Variants in PTPRD observed in about 807,000 individuals in gnomAD.
The protein encoded by PTPRD is receptor-type tyrosine-protein phosphatase delta.
Under a neutral mutation model 214.5 loss-of-function variants are expected in PTPRD, and 34 were observed. That is an observed-to-expected ratio of 0.16 (90% CI 0.12 to 0.21). The LOEUF (loss-of-function observed/expected upper bound fraction) is 0.21, where lower values mean the gene tolerates loss of function less well. PTPRD is among the 10% of genes least tolerant of loss of function. The pLI is 1.00. For synonymous variants in PTPRD, 1,128 were observed against 845.7 expected (o/e 1.33, Z -5.79); for missense variants, 2,545 against 2,398.7 (o/e 1.06, Z -1.27).
At chr9:8,825,975 T>C (rs1566397035) in intron 11 of PTPRD, among the ~76,000 whole-genome samples, 1 of 152,206 alleles carries the variant, frequency 6.6e-6, no homozygotes, top group African/African-American at 2.4e-5. Context: ...TATTTTGTAC[T>C]GACCTTTTAT....
intron 4 of PTPRD, among the ~76,000 whole-genome samples, chr9:9,967,485 T>C (rs1005988449): frequency 1.3e-5 from 2 of 152,164 alleles, no homozygotes; most frequent in East Asian, 1.9e-4. Context: ...AAAACATTTA[T>C]TGAGAAACAA....
chr9:9,492,094 A>G (rs2095931714), intron 8 of PTPRD, among the ~76,000 whole-genome samples: 1 of 151,982 alleles, frequency 6.6e-6, no homozygotes, highest in African/African-American at 2.4e-5. Flanking sequence ...AAAAAGGATT[A>G]TAAGAGAATA....
intron 2 of PTPRD, among the ~76,000 whole-genome samples, chr9:10,514,346 TTTGA>T (rs953417456): frequency 1.2e-4 from 18 of 151,818 alleles, no homozygotes; most frequent in South Asian, 4.1e-4. Flanking sequence ...CATTTAGAAC[TTTGA>T]TTGATAAAAT....
chr9:9,321,465 G>A (rs895892852), intron 9 of PTPRD, among the ~76,000 whole-genome samples: 1 of 150,220 alleles, frequency 6.7e-6, no homozygotes, highest in South Asian at 2.1e-4. Context: ...TGAGGCAAGA[G>A]AATGGCTTGA....
At chr9:8,442,743 G>T (rs2095589311) in intron 34 of PTPRD, among the ~76,000 whole-genome samples, 1 of 152,048 alleles carries the variant, frequency 6.6e-6, no homozygotes, top group African/African-American at 2.4e-5. Flanking sequence ...TTTGTTATTT[G>T]TATCACAAAC....
At chr9:9,533,800 T>C (rs531985171) in intron 8 of PTPRD, among the ~76,000 whole-genome samples, 10 of 152,190 alleles carry the variant, frequency 6.6e-5, no homozygotes, top group African/African-American at 2.4e-4. Context: ...TGCATGTTTT[T>C]CTGTGGGACA....
At chr9:10,103,519 C>T (rs2098590951) in intron 3 of PTPRD, among the ~76,000 whole-genome samples, 1 of 151,042 alleles carries the variant, frequency 6.6e-6, no homozygotes, top group Non-Finnish European at 1.5e-5. Context: ...ATGGAAACTA[C>T]CCAAGAGTCT....
In PTPRD at chr9:9,779,279, C is replaced by T. The variant is rs530600262; in HGVS notation, c.-367-12428G>A. Among the ~76,000 whole-genome samples the T allele has an allele frequency of 3.3e-5, 5 of 151,980 alleles. No homozygotes were observed. The South Asian group carries it at 6.2e-4, about 19-fold the overall frequency. ...AGAAGAAAACCTAGAAAATACACTT[C>T]CAGACATTGGCTTTGACAAAAAAAA... On this transcript the variant is annotated intron_variant, in intron 5 of 45. Transcript: ENST00000381196.
At chr9:9,635,832 T>G (rs569871956) in intron 7 of PTPRD, among the ~76,000 whole-genome samples, 1 of 152,284 alleles carries the variant, frequency 6.6e-6, no homozygotes, top group African/African-American at 2.4e-5. Flanking sequence ...CATATCAATC[T>G]ACTTCTCTAC....
chr9:8,593,365 T>G (rs573255440), intron 14 of PTPRD, among the ~76,000 whole-genome samples: 211 of 152,322 alleles, frequency 1.4e-3, no homozygotes, highest in African/African-American at 4.9e-3. Flanking sequence ...AGAACCAGTG[T>G]GGAACAAAAG....
chr9:9,771,272 A>G (rs759966171), intron 5 of PTPRD, among the ~76,000 whole-genome samples: 1 of 152,156 alleles, frequency 6.6e-6, no homozygotes, highest in Non-Finnish European at 1.5e-5. Flanking sequence ...ATCACTGTCT[A>G]TTTCTTTTAA....
At chr9:8,831,196 A>C (rs1434902435) in intron 11 of PTPRD, among the ~76,000 whole-genome samples, 2 of 151,716 alleles carry the variant, frequency 1.3e-5, no homozygotes, top group Non-Finnish European at 2.9e-5. Context: ...TTTATTAAAG[A>C]CTCCCCTCCA....
chr9:9,019,323 A>C lies in PTPRD; in HGVS notation c.-142-588T>G, dbSNP rs894179411. 5.1e-5 allele frequency among the ~76,000 whole-genome samples: 5 copies of C among 97,790 alleles called. No homozygotes were observed. In the East Asian group the frequency reaches 1.2e-3, roughly 23 times the overall value. The allele number at this position is 97,790 out of a possible 152,430, so 64.2% of individuals were successfully genotyped here. On this transcript the variant is annotated intron_variant, in intron 10 of 45. Transcript: ENST00000381196. ...AAGAAAGAAAGAAAGAAAGAAAGAA[A>C]GAAAGAAAGAAAGAACGAAAGAAAG...
chr9:8,543,917 G>A lies in PTPRD; in HGVS notation c.353-15138C>T, dbSNP rs540283551. ...AGTAGAGACGGGGTTTCACCATATT[G>A]GCCAGGCTGGTCTCAAACCCCTGAC... On this transcript the variant is annotated intron_variant, in intron 14 of 45. Transcript: ENST00000381196. Among the ~76,000 whole-genome samples, 4 of 152,016 alleles carry A rather than the reference G, an allele frequency of 2.6e-5. No homozygotes were observed. The South Asian group carries it at 8.3e-4, about 32-fold the overall frequency.
At chr9:9,795,667 A>G (rs1242851156) in intron 5 of PTPRD, among the ~76,000 whole-genome samples, 1 of 152,166 alleles carries the variant, frequency 6.6e-6, no homozygotes, top group Non-Finnish European at 1.5e-5. Context: ...AATAGATTTG[A>G]TTAGTATTTC....
chr9:10,396,550 C>T (rs1461301306), intron 2 of PTPRD, among the ~76,000 whole-genome samples: 1 of 151,922 alleles, frequency 6.6e-6, no homozygotes, highest in Non-Finnish European at 1.5e-5. Context: ...CCTATTAATC[C>T]CTCTGCCAGA....
At chr9:9,719,917 G>C (rs7852765) in intron 7 of PTPRD, among the ~76,000 whole-genome samples, 152,323 of 152,326 alleles carry the variant, frequency 1, 76,160 homozygotes, top group Middle Eastern at 1. Flanking sequence ...AGCTGCCAGC[G>C]CTGCTCAAGT....
chr9:9,029,266 C>A (rs1388077386), intron 10 of PTPRD, among the ~76,000 whole-genome samples: 1 of 151,764 alleles, frequency 6.6e-6, no homozygotes. Context: ...TGGACAGTGT[C>A]AAGCTATTGA....
rs116964593 is a variant in PTPRD, at chr9:8,692,086, C to T, written c.64+41694G>A. On this transcript the variant is annotated intron_variant, in intron 12 of 45. Transcript: ENST00000381196. ...CTTCTTCTCTTTTTGATCATATTTC[C>T]TTCTTCAGACTCTCAAACAGCTTTG... Among the ~76,000 whole-genome samples, 618 of 152,202 alleles carry T rather than the reference C, an allele frequency of 4.1e-3. 4 individuals carry two copies. Among genetic ancestry groups the T allele is most frequent in the Non-Finnish European group, 7.0e-3 (477 of 68,000 alleles).
Sources: gnomAD v4.1 joint callset for allele counts (sites outside exome capture counted in the v4.1 genomes callset) on GRCh38, gnomAD v4.1.1 for gene constraint, MANE v1.5 for transcripts, NCBI Gene and HGNC (gene_info 2026-07-23, HGNC 2026-07-21) for gene names.